DOCK4: variants seen among roughly 807,000 people sequenced by gnomAD.
DOCK4 encodes the protein dedicator of cytokinesis protein 4.
DOCK4 carries 97 observed loss-of-function variants against 268.1 expected under a neutral mutation model. The ratio of observed to expected loss-of-function variants is 0.36; its 90% CI spans 0.31 to 0.43. The LOEUF (loss-of-function observed/expected upper bound fraction) is 0.43, where lower values mean the gene tolerates loss of function less well. DOCK4 is among the 20% of genes least tolerant of loss of function. The probability of loss-of-function intolerance (pLI) is 1.00; values close to 1 mark genes in which losing one functional copy is unlikely to be tolerated. For missense variants in DOCK4, 2,145 were observed against 2,455.7 expected, an observed-to-expected ratio of 0.87 and a Z score of 2.67; for synonymous variants, 954 against 887.2, an observed-to-expected ratio of 1.08 and a Z score of -1.34.
intron 16 of DOCK4, among the ~76,000 whole-genome samples, chr7:111,879,236 A>C (rs1807172991): frequency 6.6e-6 from 1 of 152,026 alleles, no homozygotes. Flanking sequence ...AAGGGAGCCA[A>C]CTTCCTTGAA....
At chr7:111,860,530 T>C (rs1394870865) in intron 23 of DOCK4, among the ~76,000 whole-genome samples, 3 of 152,244 alleles carry the variant, frequency 2.0e-5, no homozygotes, top group Non-Finnish European at 4.4e-5. Flanking sequence ...TGAGCCACTG[T>C]TGCTTCTCCA....
intron 34 of DOCK4, 55 bp from the exon 35 acceptor site, chr7:111,782,979 C>T (rs1489340097): frequency 2.4e-6 from 3 of 1,260,986 alleles, no homozygotes; most frequent in African/African-American, 1.6e-5. Context: ...GGGGCAAACA[C>T]AGTTTGTTCT....
chr7:111,728,688 C>T lies in DOCK4; in HGVS notation c.5514G>A (p.Val1838=). 1 of 1,613,540 alleles carries T rather than the reference C, an allele frequency of 6.2e-7. No individual in the cohort carries two copies. ...GSVQSFTPSP[V]EYHSPGLISN... ...AGATGAGTCCTGGCGAGTGGTACTCCACTGGAGAGGGGGTGAAAGACTGCA... is the reference window on the plus strand; with the variant it reads ...AGATGAGTCCTGGCGAGTGGTACTCTACTGGAGAGGGGGTGAAAGACTGCA... The change falls in exon 53 of 53, where the codon GTG becomes GTA. Residue 1838 remains valine (V), a synonymous_variant. Transcript: ENST00000428084.
chr7:112,096,767 T>C (rs1226206326), intron 1 of DOCK4, among the ~76,000 whole-genome samples: 3 of 152,108 alleles, frequency 2.0e-5, no homozygotes, highest in African/African-American at 7.2e-5. Context: ...ATGTAGCTGG[T>C]TAGTAAAGGT....
intron 1 of DOCK4, among the ~76,000 whole-genome samples, chr7:112,141,735 C>G (rs1814952557): frequency 6.6e-6 from 1 of 152,154 alleles, no homozygotes; most frequent in Non-Finnish European, 1.5e-5. Flanking sequence ...GGGGGCCTGG[C>G]AGGTAATGTC....
chr7:112,201,539 C>T (rs1820932786), intron 1 of DOCK4, among the ~76,000 whole-genome samples: 1 of 152,088 alleles, frequency 6.6e-6, no homozygotes, highest in African/African-American at 2.4e-5. Context: ...CAGGAAGATG[C>T]CATGACTCAT....
chr7:111,817,016 G>A (rs1801608285), intron 27 of DOCK4, among the ~76,000 whole-genome samples: 1 of 152,126 alleles, frequency 6.6e-6, no homozygotes. Flanking sequence ...CTTTTGACCA[G>A]TACTCCACTG....
intron 12 of DOCK4, among the ~76,000 whole-genome samples, chr7:111,918,541 G>C (rs1792814970): frequency 6.6e-6 from 1 of 152,204 alleles, no homozygotes; most frequent in African/African-American, 2.4e-5. Flanking sequence ...AAAACCTGGA[G>C]GCGGAAGAAT....
intron 6 of DOCK4, among the ~76,000 whole-genome samples, chr7:111,987,526 C>T (rs1220170112): frequency 6.6e-6 from 1 of 152,174 alleles, no homozygotes; most frequent in Non-Finnish European, 1.5e-5. Context: ...AGGTTTCGCT[C>T]CAACGGACCC....
intron 23 of DOCK4, among the ~76,000 whole-genome samples, chr7:111,849,174 A>T (rs2134104725): frequency 6.6e-6 from 1 of 151,868 alleles, no homozygotes; most frequent in East Asian, 1.9e-4. Flanking sequence ...TTCTTTGTTC[A>T]GAATGCCAAG....
Position 111,758,473 on chromosome 7 carries a change from G to C in DOCK4, c.4329+151C>G, listed in dbSNP as rs1057363211. The C allele has an allele frequency of 4.5e-6, 4 of 883,070 alleles. No homozygotes were observed. In the Admixed American group the frequency reaches 7.9e-5, roughly 18 times the overall value. 54.7% of individuals were successfully genotyped at this position (883,070 alleles called of 1,614,324 possible). On this transcript the variant is annotated intron_variant, in intron 41 of 52. Transcript: ENST00000428084. ...ACTCCATGTCACTCTGATGCACGTG[G>C]AGCTGCAGAACCACTAGACTAAATG... is the stretch of plus-strand genomic sequence containing the variant.
chr7:112,116,482 G>A (rs928390202), intron 1 of DOCK4, among the ~76,000 whole-genome samples: 1 of 152,064 alleles, frequency 6.6e-6, no homozygotes, highest in Non-Finnish European at 1.5e-5. Flanking sequence ...AAAAGCAACT[G>A]CCAGCCCCAG....
chr7:111,990,643 A>G (rs1799446896), intron 5 of DOCK4, among the ~76,000 whole-genome samples: 1 of 152,222 alleles, frequency 6.6e-6, no homozygotes, highest in African/African-American at 2.4e-5. Context: ...ATCCTCCTCA[A>G]TATAAATCAT....
At chr7:112,140,166 C>T (rs2116258349) in intron 1 of DOCK4, among the ~76,000 whole-genome samples, 1 of 152,168 alleles carries the variant, frequency 6.6e-6, no homozygotes, top group African/African-American at 2.4e-5. Flanking sequence ...GCGGGAATTA[C>T]CCCATGAAAA....
At chr7:112,205,312 TC>T (rs1381041568) in intron 1 of DOCK4, among the ~76,000 whole-genome samples, 6 of 151,692 alleles carry the variant, frequency 4.0e-5, no homozygotes, top group Non-Finnish European at 5.9e-5. Context: ...GGCTTTCCGA[TC>T]CCCCTCCCCA....
At chr7:112,181,288 C>A (rs1052740967) in intron 1 of DOCK4, among the ~76,000 whole-genome samples, 19 of 151,908 alleles carry the variant, frequency 1.3e-4, no homozygotes, top group African/African-American at 4.4e-4. Flanking sequence ...GATATGAACC[C>A]ACGTGTAATT....
chr7:112,171,763 C>G (rs1563154877), intron 1 of DOCK4, among the ~76,000 whole-genome samples: 1 of 152,174 alleles, frequency 6.6e-6, no homozygotes, highest in African/African-American at 2.4e-5. Context: ...TTCTAGCTGC[C>G]TTATTAGTTT....
intron 1 of DOCK4, among the ~76,000 whole-genome samples, chr7:112,203,580 A>G (rs570905430): frequency 5.9e-5 from 9 of 152,286 alleles, no homozygotes; most frequent in African/African-American, 2.2e-4. Context: ...AAAACGTCAC[A>G]TATTCTGTTA....
rs537380397 is a variant in DOCK4, at chr7:111,792,530, G to A, written c.3167-1925C>T. Among the ~76,000 whole-genome samples the A allele has an allele frequency of 5.3e-5, 8 of 152,136 alleles. No individual in the cohort carries two copies. The East Asian group carries it at 9.7e-4, about 18-fold the overall frequency. On this transcript the variant is annotated intron_variant, in intron 30 of 52. Coordinates refer to ENST00000428084, the MANE Select transcript of DOCK4 (RefSeq NM_001363540.2). ...CCTGAGTAGCTAGGGTTACAGGCAC[G>A]CACCACCACGCCCAGCTAATTTTTG...
Sources: gnomAD v4.1 joint callset for allele counts (sites outside exome capture counted in the v4.1 genomes callset) on GRCh38, gnomAD v4.1.1 for gene constraint, MANE v1.5 for transcripts, NCBI Gene and HGNC (gene_info 2026-07-23, HGNC 2026-07-21) for gene names.